NNT: variants seen among roughly 807,000 people sequenced by gnomAD.
NNT encodes NAD(P) transhydrogenase, mitochondrial.
In NNT, 50 loss-of-function variants were observed where a neutral mutation model predicts 104.8. The ratio of observed to expected loss-of-function variants is 0.48; its 90% CI spans 0.38 to 0.60. The LOEUF is 0.60. Among genes scored for constraint, NNT ranks in the 20% least tolerant of loss-of-function variants. The pLI, the probability that NNT is intolerant of heterozygous loss-of-function variation, is 0.00. For synonymous variants in NNT, 461 were observed against 490.4 expected (o/e 0.94, Z 0.79); for missense variants, 1,131 against 1,330.7 (o/e 0.85, Z 2.33).
At chr5:43,697,972 A>G (rs16873497) in intron 19 of NNT, among the ~76,000 whole-genome samples, 3,653 of 152,174 alleles carry the variant, frequency 0.024, 150 homozygotes, top group African/African-American at 0.084. Flanking sequence ...TATCACTAGG[A>G]TAGCTGACAG....
chr5:43,680,419 G>C (rs1263933265), intron 19 of NNT, among the ~76,000 whole-genome samples: 1 of 152,122 alleles, frequency 6.6e-6, no homozygotes, highest in Admixed American at 6.6e-5. Context: ...GGTGTTCATT[G>C]AGTACAGCTG....
chr5:43,667,629 G>A (rs1023567006), intron 17 of NNT, among the ~76,000 whole-genome samples: 3 of 152,084 alleles, frequency 2.0e-5, no homozygotes, highest in Non-Finnish European at 4.4e-5. Context: ...AGTATTCCAT[G>A]GTGTATATGT....
chr5:43,643,260 G>A (rs572042023), intron 7 of NNT, among the ~76,000 whole-genome samples: 6 of 152,216 alleles, frequency 3.9e-5, no homozygotes, highest in Admixed American at 6.5e-5. Context: ...GTTTATTTCC[G>A]TTATCTTTTG....
chr5:43,647,924 A>G (rs952836997), intron 10 of NNT: 1 of 459,840 alleles, frequency 2.2e-6, no homozygotes, highest in Non-Finnish European at 4.3e-6. Flanking sequence ...TCTCTTCCAG[A>G]TGAAGACAGA....
chr5:43,636,612 T>C (rs1734509860), intron 7 of NNT, among the ~76,000 whole-genome samples: 2 of 152,194 alleles, frequency 1.3e-5, no homozygotes, highest in African/African-American at 4.8e-5. Flanking sequence ...AATACAATTT[T>C]ATTGCTTCAA....
chr5:43,685,124 G>A (rs1741915625), intron 19 of NNT, among the ~76,000 whole-genome samples: 1 of 152,146 alleles, frequency 6.6e-6, no homozygotes, highest in African/African-American at 2.4e-5. Context: ...AGATCTTTAA[G>A]TTCTATTTAA....
In NNT at chr5:43,608,878, G is replaced by A. The variant is rs1167263540; in HGVS notation, c.-53-265G>A. Among the ~76,000 whole-genome samples, 4 of 152,166 alleles carry A rather than the reference G, an allele frequency of 2.6e-5. No homozygotes were observed. The South Asian group carries it at 6.2e-4, about 24-fold the overall frequency. On this transcript the variant is annotated intron_variant, in intron 1 of 21. Coordinates refer to ENST00000344920, the MANE Select transcript of NNT (RefSeq NM_182977.3). Reference sequence around the variant, plus strand: ...ACATTAAGGATCAAATAGGTTATATGACCTAGGCTTGGAATTGAATAGTGA... The same window carrying A: ...ACATTAAGGATCAAATAGGTTATATAACCTAGGCTTGGAATTGAATAGTGA...
At chr5:43,698,198 AT>A (rs1190847724) in intron 19 of NNT, among the ~76,000 whole-genome samples, 6 of 151,822 alleles carry the variant, frequency 4.0e-5, no homozygotes, top group African/African-American at 1.5e-4. Flanking sequence ...GAATATATTA[AT>A]ATATGAAAAT....
chr5:43,702,908 A>G (rs1406515830), intron 21 of NNT, among the ~76,000 whole-genome samples, 172 bp downstream of exon 21: 2 of 152,190 alleles, frequency 1.3e-5, no homozygotes. Context: ...TTCTCCGGCC[A>G]CCAGAGAACC....
chr5:43,649,349 A>G (rs529379485), intron 11 of NNT, 41 bp downstream of exon 11: 1 of 1,607,142 alleles, frequency 6.2e-7, no homozygotes, highest in African/African-American at 1.3e-5. Flanking sequence ...AGGTTTTCAT[A>G]GGGTTACTCA....
intron 5 of NNT, among the ~76,000 whole-genome samples, chr5:43,620,840 C>G (rs753898278): frequency 6.6e-6 from 1 of 152,112 alleles, no homozygotes; most frequent in African/African-American, 2.4e-5. Flanking sequence ...CTTTGATGCA[C>G]AAGTCTACTA....
chr5:43,654,942 A>T (rs1233008065), intron 14 of NNT, among the ~76,000 whole-genome samples: 5 of 152,154 alleles, frequency 3.3e-5, no homozygotes, highest in Non-Finnish European at 5.9e-5. Context: ...TTTAGACATG[A>T]TCTTAGCAAA....
rs1554057010 is a variant in NNT at position 43,705,790 on chromosome 5, TGC to T, written c.*1388_*1389del. The T allele has an allele frequency of 1.3e-5, 2 of 151,968 alleles. No homozygotes were observed. The highest frequency in any genetic ancestry group is 2.9e-5 in the Non-Finnish European group (2 of 67,950). The allele number at this position is 151,968 out of a possible 1,614,324, so 9.4% of individuals were successfully genotyped here. On this transcript the variant is annotated 3_prime_UTR_variant, in exon 22 of 22. Transcript: ENST00000344920. ...CTGTGTATGTGTGTGTGTGTGTGTG[TGC>T]GTTTGTGTGTTAAAGCAGAAAAGAC...
intron 17 of NNT, chr5:43,667,093 T>C: frequency 6.4e-7 from 1 of 1,570,324 alleles, no homozygotes; most frequent in Non-Finnish European, 8.7e-7. Flanking sequence ...GTTGTGCTTC[T>C]TGGCAAAGTG....
intron 17 of NNT, among the ~76,000 whole-genome samples, chr5:43,664,574 G>A (rs1405273235): frequency 6.6e-6 from 1 of 152,042 alleles, no homozygotes; most frequent in Non-Finnish European, 1.5e-5. Flanking sequence ...ATGTGAATTA[G>A]GATTCTCTTT....
In NNT at chr5:43,659,222, A is replaced by G. The variant is rs780320054; in HGVS notation, c.2506A>G (p.Thr836Ala). ...IGGADMPVVI[T>A]VLNSYSGWAL... is the part of the protein sequence containing the mutation. Reference sequence around the variant, plus strand: ...GGGTGCTGACATGCCCGTCGTTATCACTGTGCTGAACAGCTACTCAGGCTG... The same window carrying G: ...GGGTGCTGACATGCCCGTCGTTATCGCTGTGCTGAACAGCTACTCAGGCTG... The change falls in exon 17 of 22, where the codon ACT becomes GCT. Residue 836 changes from threonine (T) to alanine (A), a missense_variant. Coordinates refer to ENST00000344920, the MANE Select transcript of NNT (RefSeq NM_182977.3). 6.2e-7 allele frequency: 1 copy of G among 1,613,608 alleles called. No homozygotes were observed. The highest frequency in any genetic ancestry group is 8.5e-7 in the Non-Finnish European group (1 of 1,179,760).
At chr5:43,679,934 G>T (rs1363060880) in intron 19 of NNT, among the ~76,000 whole-genome samples, 1 of 151,342 alleles carries the variant, frequency 6.6e-6, no homozygotes, top group Non-Finnish European at 1.5e-5. Context: ...ATTCAGTCTA[G>T]TTTCTCTATT....
At chr5:43,638,345 G>GA (rs746139723) in intron 7 of NNT, among the ~76,000 whole-genome samples, 5 of 152,200 alleles carry the variant, frequency 3.3e-5, no homozygotes, top group Admixed American at 6.6e-5. Context: ...GGACTGGGTG[G>GA]AAAAATGAAA....
chr5:43,648,936 T>C (rs766696126), intron 10 of NNT, among the ~76,000 whole-genome samples: 5 of 152,316 alleles, frequency 3.3e-5, no homozygotes, highest in South Asian at 2.1e-4. Context: ...ATAGCTTATT[T>C]TGGGGGGGTG....
Sources: gnomAD v4.1 joint callset for allele counts (sites outside exome capture counted in the v4.1 genomes callset) on GRCh38, gnomAD v4.1.1 for gene constraint, MANE v1.5 for transcripts, NCBI Gene and HGNC (gene_info 2026-07-23, HGNC 2026-07-21) for gene names.